Variants in BMAL2 observed in about 807,000 individuals in gnomAD.
BMAL2 encodes basic helix-loop-helix ARNT-like protein 2.
At chr12:27,396,091 A>G in the BMAL2 span, among the ~76,000 whole-genome samples, 1 of 152,220 alleles carries the variant, frequency 6.6e-6, no homozygotes, top group Non-Finnish European at 1.5e-5. Flanking sequence ...TTAAGGGTAA[A>G]TAAGGTTATA....
chr12:27,401,436 T>G, the BMAL2 span: 1 of 1,549,276 alleles, frequency 6.5e-7, no homozygotes, highest in Non-Finnish European at 8.8e-7. Flanking sequence ...TTCCCATTCC[T>G]GTGAAATTTG....
the BMAL2 span, chr12:27,422,996 A>G: frequency 6.6e-6 from 1 of 152,228 alleles, no homozygotes; most frequent in Non-Finnish European, 1.5e-5. Context: ...CAGTGGGCAG[A>G]TAGCCAGTTG....
the BMAL2 span, among the ~76,000 whole-genome samples, chr12:27,377,280 A>C: frequency 6.6e-6 from 1 of 152,192 alleles, no homozygotes; most frequent in African/African-American, 2.4e-5. Flanking sequence ...CCTTTCCTTA[A>C]TGAAAGCCTC....
chr12:27,349,781 T>C, the BMAL2 span, among the ~76,000 whole-genome samples: 1 of 152,162 alleles, frequency 6.6e-6, no homozygotes, highest in Non-Finnish European at 1.5e-5. Context: ...TTATTCTAAC[T>C]TCTATATTAC....
chr12:27,337,462 A>G, the BMAL2 span, among the ~76,000 whole-genome samples: 1 of 152,160 alleles, frequency 6.6e-6, no homozygotes, highest in Non-Finnish European at 1.5e-5. Flanking sequence ...TATGTGAAGG[A>G]ACCTGCCTTT....
the BMAL2 span, among the ~76,000 whole-genome samples, chr12:27,358,187 C>A: frequency 6.6e-6 from 1 of 151,968 alleles, no homozygotes; most frequent in East Asian, 1.9e-4. Flanking sequence ...CTACAAGGAA[C>A]TCCAACAAAT....
chr12:27,409,490 G>A, the BMAL2 span, among the ~76,000 whole-genome samples: 1 of 152,216 alleles, frequency 6.6e-6, no homozygotes, highest in African/African-American at 2.4e-5. Context: ...AAGAAGAAAT[G>A]GGGAAAGGAT....
At chr12:27,333,061 G>C in the BMAL2 span, 4 of 1,202,148 alleles carry the variant, frequency 3.3e-6, no homozygotes, top group Admixed American at 4.4e-5. Flanking sequence ...AGCCGACCAA[G>C]TGGCTCCTGC....
the BMAL2 span, chr12:27,390,344 G>A: frequency 8.1e-7 from 1 of 1,233,910 alleles, no homozygotes; most frequent in Non-Finnish European, 1.1e-6. Context: ...GGAAATATTT[G>A]AATTCAAAAG....
chr12:27,394,847 A>T, the BMAL2 span, among the ~76,000 whole-genome samples: 1 of 152,168 alleles, frequency 6.6e-6, no homozygotes, highest in Non-Finnish European at 1.5e-5. Flanking sequence ...GGCACCAGAG[A>T]GCTTTTTGTC....
the BMAL2 span, chr12:27,394,313 C>G: frequency 6.6e-6 from 1 of 152,340 alleles, no homozygotes. Flanking sequence ...CTGATACCCT[C>G]CCAACTCTGG....
At chr12:27,332,967 C>A in the BMAL2 span, 31 of 952,338 alleles carry the variant, frequency 3.3e-5, no homozygotes, top group Non-Finnish European at 4.0e-5. Flanking sequence ...CCGCCAGTCC[C>A]CGCTTCCCTG....
the BMAL2 span, chr12:27,380,302 G>A: frequency 6.2e-7 from 1 of 1,614,210 alleles, no homozygotes; most frequent in Non-Finnish European, 8.5e-7. Context: ...TAACCTGATT[G>A]AAGAACTGTC....
At chr12:27,355,959 T>G in the BMAL2 span, among the ~76,000 whole-genome samples, 1 of 152,184 alleles carries the variant, frequency 6.6e-6, no homozygotes, top group Non-Finnish European at 1.5e-5. Context: ...TTAGACATCT[T>G]GCTACTTTTG....
At chr12:27,389,217 T>A in the BMAL2 span, 1 of 1,612,898 alleles carries the variant, frequency 6.2e-7, no homozygotes, top group Non-Finnish European at 8.5e-7. Context: ...ACTTCTTACA[T>A]CCAAAAGATG....
the BMAL2 span, among the ~76,000 whole-genome samples, chr12:27,402,942 A>G: frequency 2.9e-4 from 44 of 152,304 alleles, no homozygotes; most frequent in African/African-American, 1.0e-3. Context: ...ATAATCTTGC[A>G]TTATACTGCA....
the BMAL2 span, among the ~76,000 whole-genome samples, chr12:27,361,715 A>C: frequency 6.6e-6 from 1 of 152,198 alleles, no homozygotes; most frequent in Non-Finnish European, 1.5e-5. Context: ...AATCTGCAAC[A>C]TGGAGATTAT....
chr12:27,399,875 G>A, the BMAL2 span, among the ~76,000 whole-genome samples: 3 of 152,228 alleles, frequency 2.0e-5, no homozygotes, highest in Non-Finnish European at 4.4e-5. Flanking sequence ...TGAGGATATA[G>A]ATTATTTCCA....
the BMAL2 span, among the ~76,000 whole-genome samples, chr12:27,412,702 C>T: frequency 6.6e-6 from 1 of 151,972 alleles, no homozygotes; most frequent in Non-Finnish European, 1.5e-5. Flanking sequence ...ACAAAACACA[C>T]ACACACACAC....
Sources: allele counts gnomAD v4.1 joint callset (sites outside exome capture counted in the v4.1 genomes callset), GRCh38; gene constraint gnomAD v4.1.1; transcripts MANE v1.5; gene names NCBI Gene and HGNC (gene_info 2026-07-23, HGNC 2026-07-21).